Variants in ARHGAP26 observed in about 807,000 individuals in gnomAD.
ARHGAP26 encodes the protein rho GTPase-activating protein 26.
A neutral mutation model predicts 104.8 loss-of-function variants in ARHGAP26; 38 were observed. That is an observed-to-expected ratio of 0.36 (90% CI 0.28 to 0.48). The LOEUF is 0.48. ARHGAP26 is among the 20% of genes least tolerant of loss of function. The pLI is 0.99. For synonymous variants in ARHGAP26, 341 were observed against 340.0 expected (o/e 1.00, Z -0.03); for missense variants, 704 against 947.9 (o/e 0.74, Z 3.38).
intron 11 of ARHGAP26, among the ~76,000 whole-genome samples, chr5:142,958,955 A>C (rs566853576): frequency 6.6e-6 from 1 of 151,980 alleles, no homozygotes; most frequent in African/African-American, 2.4e-5. Context: ...ATAGAGGAAA[A>C]TGTGCATATT....
chr5:143,002,877 C>A (rs2152789793), intron 11 of ARHGAP26, among the ~76,000 whole-genome samples: 1 of 152,292 alleles, frequency 6.6e-6, no homozygotes, highest in African/African-American at 2.4e-5. Context: ...AGCATTTCCT[C>A]CTCTTGTTGC....
In ARHGAP26 at chr5:143,041,909, C is replaced by T. The variant is rs371005641; in HGVS notation, c.1285+19C>T. 17 of 1,570,468 alleles carry T rather than the reference C, an allele frequency of 1.1e-5. No individual in the cohort carries two copies. In the African/African-American group the frequency reaches 2.2e-4, roughly 20 times the overall value. ...CTGATGGGTGAGTGCCGCAGTGGCT[C>T]TGCTAGGCAGGTCCCTGGATGGGGG... On this transcript the variant is annotated intron_variant, in intron 14 of 22. Transcript: ENST00000645722.
intron 12 of ARHGAP26, among the ~76,000 whole-genome samples, chr5:143,026,190 G>A (rs943713610): frequency 1.3e-5 from 2 of 152,190 alleles, no homozygotes; most frequent in Non-Finnish European, 2.9e-5. Flanking sequence ...TCGGCTCCTT[G>A]TGTTTTCAGC....
chr5:142,945,910 G>A (rs1767035273), intron 11 of ARHGAP26, among the ~76,000 whole-genome samples: 1 of 152,062 alleles, frequency 6.6e-6, no homozygotes, highest in African/African-American at 2.4e-5. Context: ...ATCACATATT[G>A]CAATTAGTTG....
At chr5:142,965,310 CAG>C (rs1273677050) in intron 11 of ARHGAP26, among the ~76,000 whole-genome samples, 19 of 152,278 alleles carry the variant, frequency 1.2e-4, no homozygotes, top group Middle Eastern at 3.4e-3. Context: ...GGTGGAGGAG[CAG>C]AGTCTTCTCT....
intron 11 of ARHGAP26, among the ~76,000 whole-genome samples, chr5:142,934,437 T>G (rs181938866): frequency 2.6e-5 from 4 of 152,360 alleles, no homozygotes; most frequent in African/African-American, 7.2e-5. Flanking sequence ...CTTTTTAGTT[T>G]CCTAAAGAGA....
chr5:142,813,173 C>G (rs1011962508), intron 1 of ARHGAP26, among the ~76,000 whole-genome samples: 1 of 152,104 alleles, frequency 6.6e-6, no homozygotes, highest in Non-Finnish European at 1.5e-5. Flanking sequence ...GATCTCCTGA[C>G]CTCGTGATCC....
chr5:142,898,876 C>T (rs1368147919), intron 6 of ARHGAP26, among the ~76,000 whole-genome samples: 1 of 152,204 alleles, frequency 6.6e-6, no homozygotes, highest in Non-Finnish European at 1.5e-5. Context: ...GCTGCTGTAA[C>T]AAAGTACCAC....
intron 10 of ARHGAP26, among the ~76,000 whole-genome samples, chr5:142,930,972 T>C (rs1318223310): frequency 6.6e-6 from 1 of 152,164 alleles, no homozygotes; most frequent in African/African-American, 2.4e-5. Flanking sequence ...GCCTGTGTGG[T>C]TTTAATACCA....
intron 17 of ARHGAP26, among the ~76,000 whole-genome samples, chr5:143,085,573 G>T (rs1790480792): frequency 6.6e-6 from 1 of 152,188 alleles, no homozygotes; most frequent in African/African-American, 2.4e-5. Flanking sequence ...TTTTAAGCCA[G>T]ATAATTAGTC....
intron 22 of ARHGAP26, among the ~76,000 whole-genome samples, chr5:143,218,190 T>C (rs918901254): frequency 1.3e-5 from 2 of 152,172 alleles, no homozygotes; most frequent in African/African-American, 4.8e-5. Context: ...ATGAGGCCCT[T>C]TAAGAAATAG....
chr5:143,166,054 G>A (rs1311314002), intron 20 of ARHGAP26: 3 of 1,323,990 alleles, frequency 2.3e-6, no homozygotes, highest in African/African-American at 3.0e-5. Context: ...TGTGTTTGGA[G>A]GGTTGTACTG....
intron 1 of ARHGAP26, among the ~76,000 whole-genome samples, chr5:142,823,383 C>G (rs949797744): frequency 1.3e-5 from 2 of 152,106 alleles, no homozygotes; most frequent in Admixed American, 6.6e-5. Context: ...TTCAGTGTGC[C>G]CCTCCCTTCT....
intron 11 of ARHGAP26, among the ~76,000 whole-genome samples, chr5:142,968,037 G>A (rs765864539): frequency 1.1e-4 from 17 of 152,050 alleles, no homozygotes; most frequent in South Asian, 4.2e-4. Context: ...TAACAGATCC[G>A]GAGCAGCTTT....
At chr5:142,949,190 A>AG (rs1235844737) in intron 11 of ARHGAP26, among the ~76,000 whole-genome samples, 5 of 36,776 alleles carry the variant, frequency 1.4e-4, no homozygotes, top group African/African-American at 1.1e-3. Context: ...AGAGAGAGAG[A>AG]GAGAGAGAGA....
At chr5:143,082,591 C>A (rs1185108427) in intron 17 of ARHGAP26, among the ~76,000 whole-genome samples, 2 of 152,100 alleles carry the variant, frequency 1.3e-5, no homozygotes, top group Admixed American at 6.5e-5. Flanking sequence ...CATACCTTGC[C>A]CAAAGTCACA....
At chr5:142,803,733 G>T (rs1448592802) in intron 1 of ARHGAP26, among the ~76,000 whole-genome samples, 3 of 152,186 alleles carry the variant, frequency 2.0e-5, no homozygotes, top group Non-Finnish European at 4.4e-5. Context: ...GGCATCTGGG[G>T]ATGTGTTCTT....
At chr5:142,803,038 C>A (rs1762360819) in intron 1 of ARHGAP26, among the ~76,000 whole-genome samples, 1 of 152,102 alleles carries the variant, frequency 6.6e-6, no homozygotes, top group Admixed American at 6.5e-5. Context: ...AATCCAGCCT[C>A]ATGCGCAGAC....
intron 1 of ARHGAP26, among the ~76,000 whole-genome samples, chr5:142,842,992 C>A (rs533083880): frequency 8.5e-5 from 13 of 152,172 alleles, no homozygotes; most frequent in African/African-American, 2.9e-4. Flanking sequence ...TTCAAAGGTC[C>A]CCCAAACCTT....
Sources: gnomAD v4.1 joint callset for allele counts (sites outside exome capture counted in the v4.1 genomes callset) on GRCh38, gnomAD v4.1.1 for gene constraint, MANE v1.5 for transcripts, NCBI Gene and HGNC (gene_info 2026-07-23, HGNC 2026-07-21) for gene names.